PLCB4: variants seen among roughly 807,000 people sequenced by gnomAD.
PLCB4 encodes the protein 1-phosphatidylinositol 4,5-bisphosphate phosphodiesterase beta-4.
PLCB4 carries 77 observed loss-of-function variants against 178.8 expected under a neutral mutation model. The ratio of observed to expected loss-of-function variants is 0.43; its 90% CI spans 0.36 to 0.52. PLCB4 has a LOEUF of 0.52. PLCB4 is among the 20% of genes least tolerant of loss of function. The pLI, the probability that PLCB4 is intolerant of heterozygous loss-of-function variation, is 0.00. For synonymous variants in PLCB4, 496 were observed against 490.8 expected (o/e 1.01, Z -0.14); for missense variants, 1,024 against 1,453.4 (o/e 0.70, Z 4.80).
intron 35 of PLCB4, among the ~76,000 whole-genome samples, chr20:9,468,365 C>T (rs1040637243): frequency 6.6e-6 from 1 of 151,880 alleles, no homozygotes; most frequent in Admixed American, 6.6e-5. Flanking sequence ...TTTTTCCATG[C>T]TTAAATTATG....
Position 9,373,082 on chromosome 20 carries a change from A to T in PLCB4, c.722A>T (p.Gln241Leu). Residue 241 changes from glutamine (Q) to leucine (L), a missense_variant, in exon 12 of 40, where the codon CAA (glutamine) becomes CTA (leucine). Coordinates refer to ENST00000378473, the MANE Select transcript of PLCB4 (RefSeq NM_001377142.1). Reference sequence around the variant, plus strand: ...AAAACTGATTATTTAACGGTAGACCAATTAGTGAGCTTTCTAAATGAAGTA... The same window carrying T: ...AAAACTGATTATTTAACGGTAGACCTATTAGTGAGCTTTCTAAATGAAGTA... Reference protein sequence around the residue: ...GDKTDYLTVDQLVSFLNEHQR... With the variant: ...GDKTDYLTVDLLVSFLNEHQR... 1 of 1,536,956 alleles carries T rather than the reference A, an allele frequency of 6.5e-7. No individual in the cohort carries two copies. Among genetic ancestry groups the T allele is most frequent in the Non-Finnish European group, 9.0e-7 (1 of 1,111,664 alleles).
chr20:9,349,889 C>T (rs991066045), intron 7 of PLCB4, among the ~76,000 whole-genome samples: 1 of 152,170 alleles, frequency 6.6e-6, no homozygotes, highest in Non-Finnish European at 1.5e-5. Flanking sequence ...TGTATGCTGA[C>T]ATGGGCCTAC....
intron 17 of PLCB4, among the ~76,000 whole-genome samples, chr20:9,392,496 T>C (rs1057065882): frequency 1.3e-5 from 2 of 152,188 alleles, no homozygotes; most frequent in African/African-American, 4.8e-5. Flanking sequence ...GTGTTTCCAT[T>C]TGATTTAGTT....
At chr20:9,141,124 A>C (rs747675680) in intron 2 of PLCB4, among the ~76,000 whole-genome samples, 1 of 152,064 alleles carries the variant, frequency 6.6e-6, no homozygotes, top group African/African-American at 2.4e-5. Context: ...TTAAAAGCCA[A>C]CTTTTTCTTT....
chr20:9,353,764 C>T (rs2034545674), intron 7 of PLCB4, among the ~76,000 whole-genome samples: 1 of 152,200 alleles, frequency 6.6e-6, no homozygotes, highest in African/African-American at 2.4e-5. Flanking sequence ...CCTCCTGCTG[C>T]TCTGCTGGCT....
chr20:9,470,642 G>T (rs555409552), intron 36 of PLCB4, among the ~76,000 whole-genome samples: 6 of 152,046 alleles, frequency 3.9e-5, no homozygotes, highest in Non-Finnish European at 7.4e-5. Context: ...AATTAGCAAG[G>T]GTCTTAAAAA....
chr20:9,293,187 G>A (rs1486485666), intron 3 of PLCB4, among the ~76,000 whole-genome samples: 1 of 150,870 alleles, frequency 6.6e-6, no homozygotes, highest in Non-Finnish European at 1.5e-5. Context: ...GGAAAGGAAA[G>A]GGGAAAGGGA....
intron 1 of PLCB4, among the ~76,000 whole-genome samples, chr20:9,071,211 C>T (rs2089556178): frequency 6.6e-6 from 1 of 152,190 alleles, no homozygotes; most frequent in Admixed American, 6.5e-5. Flanking sequence ...TCAACCACAG[C>T]AGAGTCCATT....
chr20:9,437,320 A>T (rs957887038), intron 30 of PLCB4, among the ~76,000 whole-genome samples, 168 bp downstream of exon 30: 1 of 152,220 alleles, frequency 6.6e-6, no homozygotes, highest in African/African-American at 2.4e-5. Flanking sequence ...ACCCTCCCAT[A>T]GGTAGTTACC....
At chr20:9,091,831 T>A (rs2090693597) in intron 1 of PLCB4, among the ~76,000 whole-genome samples, 1 of 152,094 alleles carries the variant, frequency 6.6e-6, no homozygotes, top group South Asian at 2.1e-4. Context: ...GATTTTTTTT[T>A]CTTTTTGAGA....
chr20:9,223,081 G>A (rs1429003895), intron 3 of PLCB4, among the ~76,000 whole-genome samples: 1 of 152,088 alleles, frequency 6.6e-6, no homozygotes. Flanking sequence ...CTTGAATGGA[G>A]GGTAGAAAGT....
At chr20:9,183,392 C>T (rs544800766) in intron 2 of PLCB4, among the ~76,000 whole-genome samples, 2 of 152,226 alleles carry the variant, frequency 1.3e-5, no homozygotes, top group East Asian at 3.9e-4. Context: ...GGAGATGCAA[C>T]TCTAAAACCA....
At chr20:9,141,973 A>G (rs2092502090) in intron 2 of PLCB4, among the ~76,000 whole-genome samples, 1 of 152,100 alleles carries the variant, frequency 6.6e-6, no homozygotes, top group South Asian at 2.1e-4. Flanking sequence ...GAAGGTATAC[A>G]GGGTAGGGGT....
Position 9,407,913 on chromosome 20 carries a change from G to A in PLCB4, c.1648-4G>A. ...CTTATATGTTTTCTTCCTTGTGCTTGTAGGGCCTGGTCACTGTAGAAGATG... is the reference window on the plus strand; with the variant it reads ...CTTATATGTTTTCTTCCTTGTGCTTATAGGGCCTGGTCACTGTAGAAGATG... On this transcript the variant is annotated splice_polypyrimidine_tract_variant and splice_region_variant and intron_variant, in intron 21 of 39. Transcript: ENST00000378473. 5 of 1,608,588 alleles carry A rather than the reference G, an allele frequency of 3.1e-6. No homozygotes were observed. In the Admixed American group the frequency reaches 5.1e-5, roughly 16 times the overall value.
intron 33 of PLCB4, among the ~76,000 whole-genome samples, chr20:9,454,672 A>G (rs568337946): frequency 6.6e-6 from 1 of 152,342 alleles, no homozygotes; most frequent in East Asian, 1.9e-4. Flanking sequence ...TTTCTTGGAC[A>G]TTGGTTCATA....
chr20:9,195,313 G>A (rs2093458035), intron 2 of PLCB4, among the ~76,000 whole-genome samples: 1 of 152,172 alleles, frequency 6.6e-6, no homozygotes, highest in East Asian at 1.9e-4. Context: ...CTGGTCTGTG[G>A]GCACCTTTGA....
chr20:9,349,945 G>A (rs1465688656), intron 7 of PLCB4, among the ~76,000 whole-genome samples: 1 of 152,222 alleles, frequency 6.6e-6, no homozygotes, highest in Middle Eastern at 3.4e-3. Flanking sequence ...TTAAAAACTG[G>A]ATGGCATGAA....
chr20:9,296,999 A>T (rs1053577831), intron 3 of PLCB4, among the ~76,000 whole-genome samples: 3 of 152,202 alleles, frequency 2.0e-5, no homozygotes, highest in African/African-American at 7.2e-5. Flanking sequence ...CCTAAAACTT[A>T]AAGTATAATA....
chr20:9,393,583 T>A lies in PLCB4; in HGVS notation c.1324-5T>A. ...CTTAATTCAGCTCTTTCTGTTTCTC[T>A]CTAGCTTGAACCAGGCAGGGCTTTG... On this transcript the variant is annotated splice_polypyrimidine_tract_variant and splice_region_variant and intron_variant, in intron 17 of 39. Coordinates refer to ENST00000378473, the MANE Select transcript of PLCB4 (RefSeq NM_001377142.1). 1.3e-6 allele frequency: 2 copies of A among 1,589,458 alleles called. No homozygotes were observed. The highest frequency in any genetic ancestry group is 1.7e-6 in the Non-Finnish European group (2 of 1,158,006).
Sources: allele counts gnomAD v4.1 joint callset (sites outside exome capture counted in the v4.1 genomes callset), GRCh38; gene constraint gnomAD v4.1.1; transcripts MANE v1.5; gene names NCBI Gene and HGNC (gene_info 2026-07-23, HGNC 2026-07-21).